ITGBL1: variants seen among roughly 807,000 people sequenced by gnomAD.
ITGBL1 encodes integrin subunit beta like 1.
A neutral mutation model predicts 68.5 loss-of-function variants in ITGBL1; 51 were observed. The observed-to-expected ratio is 0.74, with a 90% CI of 0.59 to 0.94. The LOEUF is 0.94. Ranked by LOEUF, ITGBL1 falls within the 40% of genes least tolerant of loss-of-function variation. ITGBL1 has a pLI of 0.00. For missense variants in ITGBL1, 649 were observed against 647.4 expected (o/e 1.00, Z -0.03); for synonymous variants, 209 against 227.3 (o/e 0.92, Z 0.72).
chr13:101,522,932 C>T (rs370615665), intron 2 of ITGBL1, among the ~76,000 whole-genome samples: 31 of 152,260 alleles, frequency 2.0e-4, no homozygotes, highest in East Asian at 9.7e-4. Context: ...TTGGTTACAT[C>T]GCTGCAGGCA....
At chr13:101,588,030 T>C in intron 6 of ITGBL1, among the ~76,000 whole-genome samples, 1 of 152,208 alleles carries the variant, frequency 6.6e-6, no homozygotes, top group Admixed American at 6.5e-5. Flanking sequence ...CAACTGCACT[T>C]GTGCTGAAAC....
chr13:101,516,440 G>A lies in ITGBL1; in HGVS notation c.317-51259G>A, dbSNP rs138562725. 3.2e-3 allele frequency among the ~76,000 whole-genome samples: 483 copies of A among 152,240 alleles called. 3 individuals carry two copies. Among genetic ancestry groups the A allele is most frequent in the African/African-American group, 0.011 (459 of 41,572 alleles). On this transcript the variant is annotated intron_variant, in intron 2 of 10. Coordinates refer to ENST00000376180, the MANE Select transcript of ITGBL1 (RefSeq NM_004791.3). ...TAACAAATCCAGTCCAGTTTGTCCT[G>A]ATGATTCAGTGGGATTTTGATCTGA...
At chr13:101,525,154 C>A (rs2049352827) in intron 2 of ITGBL1, among the ~76,000 whole-genome samples, 1 of 152,000 alleles carries the variant, frequency 6.6e-6, no homozygotes, top group South Asian at 2.1e-4. Context: ...TTTTATTGAA[C>A]TGATATATGT....
intron 1 of ITGBL1, among the ~76,000 whole-genome samples, chr13:101,453,563 A>T (rs1034713820): frequency 6.6e-6 from 1 of 152,344 alleles, no homozygotes. Flanking sequence ...AAATGTGCAT[A>T]TAAGATTTAG....
At chr13:101,594,436 A>G (rs907368516) in intron 6 of ITGBL1, among the ~76,000 whole-genome samples, 3 of 152,198 alleles carry the variant, frequency 2.0e-5, no homozygotes, top group African/African-American at 7.2e-5. Flanking sequence ...TCAACTCAAA[A>G]TGAATTAAAG....
intron 2 of ITGBL1, among the ~76,000 whole-genome samples, chr13:101,472,036 T>C (rs1252729092): frequency 6.6e-6 from 1 of 151,856 alleles, no homozygotes; most frequent in Admixed American, 6.5e-5. Flanking sequence ...GTAAATTATA[T>C]TGACATCATA....
chr13:101,527,241 C>G (rs2049396473), intron 2 of ITGBL1, among the ~76,000 whole-genome samples: 2 of 152,066 alleles, frequency 1.3e-5, no homozygotes, highest in Admixed American at 6.6e-5. Context: ...TCCTCATGTC[C>G]CTTGACTATT....
Position 101,494,856 on chromosome 13 carries a change from T to C in ITGBL1, c.316+40756T>C, listed in dbSNP as rs949828961. Among the ~76,000 whole-genome samples the C allele has an allele frequency of 5.9e-5, 9 of 152,358 alleles. No individual in the cohort carries two copies. The East Asian group carries it at 1.7e-3, about 29-fold the overall frequency. On this transcript the variant is annotated intron_variant, in intron 2 of 10. Transcript: ENST00000376180. ...GTCTATGAAATACTTAGTGTTAGGT[T>C]GATGATATTATAAGCGCTTTTCTAC...
chr13:101,568,384 A>G (rs1008329618), intron 3 of ITGBL1, among the ~76,000 whole-genome samples: 10 of 152,184 alleles, frequency 6.6e-5, no homozygotes, highest in African/African-American at 2.4e-4. Flanking sequence ...CAATGCTGTT[A>G]AAATTTATTA....
chr13:101,655,409 T>TAA lies in ITGBL1; in HGVS notation c.1016-37176_1016-37175insAA, dbSNP rs60338208. Among the ~76,000 whole-genome samples the TAA allele has an allele frequency of 2.9e-3, 5 of 1,738 alleles. No individual in the cohort carries two copies. In the East Asian group the frequency reaches 0.071, roughly 25 times the overall value. The allele number at this position is 1,738 out of a possible 152,430, so 1.1% of individuals were successfully genotyped here. A position where few individuals can be genotyped will look rare whatever the true frequency, so the allele number is the denominator to read the frequency against. ...AAATTTAGTCAAATTTATGCATTAA[T>TAA]TATCTTCAGAAAATGCAAATCCCTG... On this transcript the variant is annotated intron_variant, in intron 7 of 10. Coordinates refer to ENST00000376180, the MANE Select transcript of ITGBL1 (RefSeq NM_004791.3).
intron 2 of ITGBL1, among the ~76,000 whole-genome samples, chr13:101,454,616 A>G (rs1351055377): frequency 6.6e-6 from 1 of 152,184 alleles, no homozygotes; most frequent in Non-Finnish European, 1.5e-5. Flanking sequence ...CAAGAATGTT[A>G]ATGATAATAT....
In ITGBL1 at chr13:101,452,785, C is replaced by A; in HGVS notation, c.-49C>A. 5.3e-6 allele frequency: 8 copies of A among 1,509,386 alleles called. No individual in the cohort carries two copies. Among genetic ancestry groups the A allele is most frequent in the African/African-American group, 4.1e-5 (3 of 72,922 alleles). 93.5% of individuals were successfully genotyped at this position (1,509,386 alleles called of 1,614,324 possible). ...CCCTCCTGCCGCCTCCCTCGGTGAA[C>A]CCCACCTTGCAGAAGTGCAGCTCGC... is the stretch of plus-strand genomic sequence containing the variant. On this transcript the variant is annotated 5_prime_UTR_variant, in exon 1 of 11. Coordinates refer to ENST00000376180, the MANE Select transcript of ITGBL1 (RefSeq NM_004791.3).
chr13:101,478,303 C>T (rs2048566143), intron 2 of ITGBL1, among the ~76,000 whole-genome samples: 1 of 151,908 alleles, frequency 6.6e-6, no homozygotes, highest in Non-Finnish European at 1.5e-5. Flanking sequence ...TAAAAACCCT[C>T]AAAAAACTGG....
chr13:101,514,953 G>C (rs1382008145), intron 2 of ITGBL1, among the ~76,000 whole-genome samples: 1 of 151,982 alleles, frequency 6.6e-6, no homozygotes, highest in Non-Finnish European at 1.5e-5. Context: ...AAAATACAAA[G>C]TGCAACTAAC....
At chr13:101,641,628 T>G (rs1458947130) in intron 7 of ITGBL1, among the ~76,000 whole-genome samples, 2 of 151,100 alleles carry the variant, frequency 1.3e-5, no homozygotes, top group African/African-American at 4.9e-5. Flanking sequence ...TTGTTACATA[T>G]GTATACATGT....
intron 7 of ITGBL1, among the ~76,000 whole-genome samples, chr13:101,652,324 T>G (rs2032779624): frequency 6.6e-6 from 1 of 152,124 alleles, no homozygotes; most frequent in Admixed American, 6.6e-5. Flanking sequence ...TTTACATTTT[T>G]TCAGCAACAG....
chr13:101,689,043 GA>G (rs3063753), intron 7 of ITGBL1, among the ~76,000 whole-genome samples: 29,069 of 146,812 alleles, frequency 0.2, 3,614 homozygotes, highest in Admixed American at 0.3. Context: ...ACTAAAAATA[GA>G]AAAAAAAAAA....
intron 2 of ITGBL1, among the ~76,000 whole-genome samples, chr13:101,560,976 G>A (rs1013681391): frequency 6.6e-6 from 1 of 152,088 alleles, no homozygotes; most frequent in Non-Finnish European, 1.5e-5. Context: ...AAAGTGGGAC[G>A]AATTAAAAAT....
Position 101,567,765 on chromosome 13 carries a change from A to G in ITGBL1, c.383A>G (p.Tyr128Cys), listed in dbSNP as rs772970531. 7 of 1,613,336 alleles carry G rather than the reference A, an allele frequency of 4.3e-6. No homozygotes were observed. Among genetic ancestry groups the G allele is most frequent in the Non-Finnish European group, 5.9e-6 (7 of 1,179,448 alleles). Reference sequence around the variant, plus strand: ...GGATGGTATGGGGATGCTTGCCAGTACCCAACTAACTGTGACTTGACAAAG... The same window carrying G: ...GGATGGTATGGGGATGCTTGCCAGTGCCCAACTAACTGTGACTTGACAAAG... The part of the protein sequence containing the change: ...DQGWYGDACQ[Y>C]PTNCDLTKKK... The change falls in exon 3 of 11, where the codon TAC becomes TGC. Residue 128 changes from tyrosine to cysteine, a missense_variant. By Grantham distance (194) the Tyr-to-Cys change is radical. Coordinates refer to ENST00000376180, the MANE Select transcript of ITGBL1 (RefSeq NM_004791.3).
Sources: allele counts gnomAD v4.1 joint callset (sites outside exome capture counted in the v4.1 genomes callset), GRCh38; gene constraint gnomAD v4.1.1; transcripts MANE v1.5; gene names NCBI Gene and HGNC (gene_info 2026-07-23, HGNC 2026-07-21).